Variants in HUNK observed in about 807,000 individuals in gnomAD.
HUNK encodes the protein hormonally up-regulated neu tumor-associated kinase.
In HUNK, 21 loss-of-function variants were observed where a neutral mutation model predicts 61.0. The observed-to-expected ratio is 0.34, with a 90% CI of 0.24 to 0.50. The LOEUF (loss-of-function observed/expected upper bound fraction) is 0.50. Among genes scored for constraint, HUNK ranks in the 20% least tolerant of loss-of-function variants. The pLI is 0.98. For synonymous variants in HUNK, 371 were observed against 386.1 expected, an observed-to-expected ratio of 0.96 and a Z score of 0.46; for missense variants, 772 against 945.7, an observed-to-expected ratio of 0.82 and a Z score of 2.41.
At chr21:31,962,335 C>T (rs2052934828) in intron 5 of HUNK, among the ~76,000 whole-genome samples, 1 of 152,222 alleles carries the variant, frequency 6.6e-6, no homozygotes, top group African/African-American at 2.4e-5. Flanking sequence ...ACAAGAAAAT[C>T]AATCTCATTG....
chr21:31,944,011 A>C (rs996943054), intron 3 of HUNK, among the ~76,000 whole-genome samples: 1 of 152,150 alleles, frequency 6.6e-6, no homozygotes, highest in East Asian at 1.9e-4. Flanking sequence ...ACATTCTTTT[A>C]GGTTCATTTT....
chr21:31,946,405 C>T (rs1394994680), intron 4 of HUNK, among the ~76,000 whole-genome samples: 1 of 152,032 alleles, frequency 6.6e-6, no homozygotes, highest in Admixed American at 6.5e-5. Flanking sequence ...AGAAGAAAAC[C>T]ACGTCCTGCC....
At chr21:31,911,173 G>T (rs1338911049) in intron 1 of HUNK, among the ~76,000 whole-genome samples, 1 of 152,234 alleles carries the variant, frequency 6.6e-6, no homozygotes, top group Non-Finnish European at 1.5e-5. Context: ...AGCGCCGCCT[G>T]TGTGCGGGGG....
chr21:31,974,270 T>C lies in HUNK; in HGVS notation c.1011-285T>C, dbSNP rs571465078. ...ATCTTTGGTTTTTGAAGGTGCACAC[T>C]CAAGGGTTAAGGGGTAAAATGTCAT... On this transcript the variant is annotated intron_variant, in intron 6 of 10. Coordinates refer to ENST00000270112, the MANE Select transcript of HUNK (RefSeq NM_014586.2). 23 of 235,050 alleles carry C rather than the reference T, an allele frequency of 9.8e-5. 1 individual carries two copies. The South Asian group carries it at 3.2e-3, about 33-fold the overall frequency. The allele number at this position is 235,050 out of a possible 1,614,324, so 14.6% of individuals were successfully genotyped here.
At chr21:31,927,064 G>T (rs2052665834) in intron 2 of HUNK, among the ~76,000 whole-genome samples, 1 of 144,922 alleles carries the variant, frequency 6.9e-6, no homozygotes, top group African/African-American at 2.6e-5. Flanking sequence ...TTTTTGAGAT[G>T]GAGTCTCACT....
intron 9 of HUNK, 129 bp downstream of exon 9, chr21:31,990,305 G>C: frequency 1.1e-6 from 1 of 876,262 alleles, no homozygotes; most frequent in Non-Finnish European, 1.8e-6. Flanking sequence ...TTTTGTGGGG[G>C]TTGGCTGGAA....
In HUNK at chr21:31,924,659, G is replaced by C; in HGVS notation, c.453G>C (p.Lys151Asn). The C allele has an allele frequency of 6.2e-7, 1 of 1,614,126 alleles. No individual in the cohort carries two copies. The highest frequency in any genetic ancestry group is 8.5e-7 in the Non-Finnish European group (1 of 1,180,014). ...GCCCTGGGGGCAACCTGATGCACAA[G>C]ATCTATGAGAAGAAGCGGCTGGAGG... ...ELCPGGNLMH[K>N]IYEKKRLEES... The change falls in exon 2 of 11, where the codon AAG (lysine) becomes AAC (asparagine). Residue 151 changes from lysine to asparagine, a missense_variant. Lys to Asn is a moderately conservative substitution (Grantham distance 94, BLOSUM62 0). Coordinates refer to ENST00000270112, the MANE Select transcript of HUNK (RefSeq NM_014586.2). This position sits in a 1 kb window ranked among gnomAD's most constrained non-coding sequence, Gnocchi z 5.1.
At chr21:31,892,158 AAAAAAT>A (rs1381701593) in intron 1 of HUNK, among the ~76,000 whole-genome samples, 3 of 112,050 alleles carry the variant, frequency 2.7e-5, no homozygotes, top group Non-Finnish European at 5.4e-5. Context: ...TAAAAAAAAA[AAAAAAT>A]ATATATATAT....
At chr21:31,988,442 C>G (rs2053148477) in intron 8 of HUNK, among the ~76,000 whole-genome samples, 1 of 152,164 alleles carries the variant, frequency 6.6e-6, no homozygotes, top group Non-Finnish European at 1.5e-5. Context: ...GAGAGGGTGG[C>G]AGGGAACTGG....
chr21:31,945,875 T>C (rs191888175), intron 3 of HUNK, among the ~76,000 whole-genome samples, 161 bp from the exon 4 acceptor site: 163 of 152,320 alleles, frequency 1.1e-3, no homozygotes, highest in African/African-American at 3.6e-3. Context: ...CCAGACGTTA[T>C]GGTTTGCAGC....
intron 2 of HUNK, among the ~76,000 whole-genome samples, chr21:31,932,982 G>A (rs1172473094): frequency 2.7e-5 from 4 of 148,060 alleles, no homozygotes; most frequent in Admixed American, 6.8e-5. Flanking sequence ...GTGCAATCTC[G>A]GCTCTCTGCA....
chr21:31,932,890 T>G (rs111418751), intron 2 of HUNK, among the ~76,000 whole-genome samples: 2 of 148,728 alleles, frequency 1.3e-5, no homozygotes, highest in Admixed American at 1.3e-4. Context: ...CACCAACCCA[T>G]CCTCCTGCGC....
intron 6 of HUNK, 85 bp downstream of exon 6, chr21:31,968,470 C>A: frequency 6.6e-7 from 1 of 1,525,744 alleles, no homozygotes; most frequent in Non-Finnish European, 8.9e-7. Context: ...GAAAGCTGTC[C>A]GTGATTGAAG....
intron 2 of HUNK, among the ~76,000 whole-genome samples, chr21:31,930,169 T>A (rs888976034): frequency 3.9e-5 from 6 of 152,234 alleles, no homozygotes. Flanking sequence ...ATATGCTGGT[T>A]TGACCACTCG....
At chr21:31,935,811 T>C (rs2052729559) in intron 2 of HUNK, among the ~76,000 whole-genome samples, 1 of 152,168 alleles carries the variant, frequency 6.6e-6, no homozygotes, top group Non-Finnish European at 1.5e-5. Flanking sequence ...TCTTATCTCT[T>C]TTTTCTTTTT....
chr21:32,000,908 T>C lies in HUNK; in HGVS notation c.*1724T>C. The C allele has an allele frequency of 2.5e-6, 1 of 397,032 alleles. No individual in the cohort carries two copies. Among genetic ancestry groups the C allele is most frequent in the Non-Finnish European group, 4.4e-6 (1 of 225,732 alleles). 24.6% of individuals were successfully genotyped at this position (397,032 alleles called of 1,614,324 possible). On this transcript the variant is annotated 3_prime_UTR_variant, in exon 11 of 11. Coordinates refer to ENST00000270112, the MANE Select transcript of HUNK (RefSeq NM_014586.2). ...GGCTCTAGGGCATTCTAGGATGAGG[T>C]CAGACCCCTTGGCCATTGGTGTTAT... is the stretch of plus-strand genomic sequence containing the variant.
chr21:31,975,746 T>A (rs962632964), intron 7 of HUNK, among the ~76,000 whole-genome samples: 1 of 152,174 alleles, frequency 6.6e-6, no homozygotes, highest in Non-Finnish European at 1.5e-5. Flanking sequence ...GAGGTTTCTA[T>A]ATGAGAGCTA....
At chr21:31,874,433 C>T (rs1055231069) in intron 1 of HUNK, among the ~76,000 whole-genome samples, 2 of 152,028 alleles carry the variant, frequency 1.3e-5, no homozygotes, top group African/African-American at 4.8e-5. Context: ...AGGCTGAGAT[C>T]CTGCATTCCT....
chr21:31,914,236 C>T (rs950842068), intron 1 of HUNK, among the ~76,000 whole-genome samples: 12 of 151,760 alleles, frequency 7.9e-5, no homozygotes, highest in Admixed American at 2.0e-4. Flanking sequence ...GGAGAAACCC[C>T]GTCTCTACTA....
Sources: gnomAD v4.1 joint callset for allele counts (sites outside exome capture counted in the v4.1 genomes callset) on GRCh38, gnomAD v4.1.1 for gene constraint, Gnocchi (gnomAD v3.1) non-coding constraint, MANE v1.5 for transcripts, NCBI Gene and HGNC (gene_info 2026-07-23, HGNC 2026-07-21) for gene names.